CADM1: variants seen among roughly 807,000 people sequenced by gnomAD.
CADM1 encodes cell adhesion molecule 1.
In CADM1, 15 loss-of-function variants were observed where a neutral mutation model predicts 53.1. That is an observed-to-expected ratio of 0.28 (90% confidence interval 0.19 to 0.44). The LOEUF is 0.44. Ranked by LOEUF, CADM1 falls within the 20% of genes least tolerant of loss-of-function variation. The pLI is 1.00. For missense variants in CADM1, 434 were observed against 611.3 expected (o/e 0.71, Z 3.06); for synonymous variants, 281 against 243.0 (o/e 1.16, Z -1.45).
chr11:115,231,857 A>G lies in CADM1; in HGVS notation c.425-367T>C, dbSNP rs531595028. On this transcript the variant is annotated intron_variant, in intron 3 of 11. Transcript: ENST00000331581. ...CAAAATTATCCGGGCACGGCGGCAC[A>G]TGCCTGTAATCCCAGCTACTTGGGA... 2.2e-4 allele frequency among the ~76,000 whole-genome samples: 33 copies of G among 152,214 alleles called. 1 individual carries two copies. Among genetic ancestry groups the G allele is most frequent in the African/African-American group, 7.5e-4 (31 of 41,552 alleles).
intron 1 of CADM1, among the ~76,000 whole-genome samples, chr11:115,311,089 C>T (rs1339924053): frequency 6.6e-6 from 1 of 152,138 alleles, no homozygotes; most frequent in Admixed American, 6.5e-5. Flanking sequence ...CTTATTATCT[C>T]CTGTTTTCCA....
At chr11:115,216,162 T>C (rs1941173739) in intron 6 of CADM1, among the ~76,000 whole-genome samples, 1 of 152,190 alleles carries the variant, frequency 6.6e-6, no homozygotes, top group Non-Finnish European at 1.5e-5. Context: ...AAATTACCAT[T>C]TTTATTGTAT....
chr11:115,431,679 C>T (rs1440198781), intron 1 of CADM1, among the ~76,000 whole-genome samples: 1 of 151,984 alleles, frequency 6.6e-6, no homozygotes, highest in African/African-American at 2.4e-5. Context: ...CTTTCAATTC[C>T]TTTAAGGCAC....
intron 1 of CADM1, among the ~76,000 whole-genome samples, chr11:115,456,277 C>G (rs909003894): frequency 1.3e-5 from 2 of 151,784 alleles, no homozygotes; most frequent in Non-Finnish European, 2.9e-5. Context: ...TGTGACTTAA[C>G]CATTCTGTAA....
intron 1 of CADM1, among the ~76,000 whole-genome samples, chr11:115,330,336 A>C (rs1945098999): frequency 6.6e-6 from 1 of 152,186 alleles, no homozygotes; most frequent in Non-Finnish European, 1.5e-5. Flanking sequence ...CACAGCTTTT[A>C]TAACTGTCTC....
chr11:115,176,358 C>T lies in CADM1; in HGVS notation c.*116G>A. 6.3e-7 allele frequency: 1 copy of T among 1,586,028 alleles called. No individual in the cohort carries two copies. Among genetic ancestry groups the T allele is most frequent in the Admixed American group, 1.7e-5 (1 of 59,120 alleles). On this transcript the variant is annotated 3_prime_UTR_variant, in exon 12 of 12. Transcript: ENST00000331581. Reference sequence around the variant, plus strand: ...CAAATCCCAAGCCTTCCCAGTCTCACACCTTTCCACCCATTCATAAAAAAA... The same window carrying T: ...CAAATCCCAAGCCTTCCCAGTCTCATACCTTTCCACCCATTCATAAAAAAA...
intron 1 of CADM1, among the ~76,000 whole-genome samples, chr11:115,385,270 G>A (rs1946672322): frequency 6.6e-6 from 1 of 151,484 alleles, no homozygotes; most frequent in Non-Finnish European, 1.5e-5. Context: ...GGGAAAAAAG[G>A]CTTAACAAGA....
intron 1 of CADM1, among the ~76,000 whole-genome samples, chr11:115,432,797 C>T (rs755690016): frequency 2.0e-5 from 3 of 152,088 alleles, no homozygotes; most frequent in Non-Finnish European, 4.4e-5. Context: ...GCATGACAAA[C>T]GAAAATCTGT....
intron 1 of CADM1, among the ~76,000 whole-genome samples, chr11:115,286,705 G>T (rs7927573): frequency 0.34 from 51,948 of 151,538 alleles, 10,812 homozygotes; most frequent in East Asian, 0.65. Context: ...TTCTGCATAG[G>T]GCCTGTCTTT....
intron 1 of CADM1, among the ~76,000 whole-genome samples, chr11:115,364,670 TGTCA>T (rs1031128796): frequency 6.6e-6 from 1 of 152,216 alleles, no homozygotes; most frequent in African/African-American, 2.4e-5. Context: ...ATCCTGTCAC[TGTCA>T]GTCAGTAGTA....
chr11:115,192,038 T>G (rs1338379322), intron 9 of CADM1, among the ~76,000 whole-genome samples: 1 of 152,240 alleles, frequency 6.6e-6, no homozygotes, highest in African/African-American at 2.4e-5. Flanking sequence ...ATTAATAATT[T>G]GGGAATAATG....
intron 1 of CADM1, among the ~76,000 whole-genome samples, chr11:115,491,029 G>A (rs568322138): frequency 6.7e-4 from 102 of 152,246 alleles, no homozygotes; most frequent in African/African-American, 2.4e-3. Flanking sequence ...AACATAGTCT[G>A]AGGTTTAAAT....
intron 1 of CADM1, among the ~76,000 whole-genome samples, chr11:115,334,255 G>A (rs368359785): frequency 9.9e-5 from 15 of 152,196 alleles, no homozygotes; most frequent in African/African-American, 3.1e-4. Context: ...CCAGAGTGTG[G>A]ACCTAAACTC....
In CADM1 at chr11:115,173,748, T is replaced by C. The variant is rs1212945618; in HGVS notation, c.*2726A>G. On this transcript the variant is annotated 3_prime_UTR_variant, in exon 12 of 12. Coordinates refer to ENST00000331581, the MANE Select transcript of CADM1 (RefSeq NM_001301043.2). ...AATACAAAATGCGAATGGGAACATA[T>C]GGATATGGAGTTTCTTACACTGTAA... The C allele has an allele frequency of 3.1e-6, 3 of 966,072 alleles. No homozygotes were observed. The highest frequency in any genetic ancestry group is 1.8e-5 in the African/African-American group (1 of 56,560). 59.8% of individuals were successfully genotyped at this position (966,072 alleles called of 1,614,324 possible).
chr11:115,427,487 TCTATCTAGAAGTAGAGATGATAGATAG>T (rs1454305883), intron 1 of CADM1, among the ~76,000 whole-genome samples: 1 of 152,104 alleles, frequency 6.6e-6, no homozygotes, highest in Non-Finnish European at 1.5e-5. Context: ...CGTTTATGCC[TCTATCTAGAAGTAGAGATGATAGATAG>T]ATGGATAGAT....
rs570126910 is a variant in CADM1, at chr11:115,261,833, G to A, written c.125-21413C>T. Among the ~76,000 whole-genome samples, 3 of 150,526 alleles carry A rather than the reference G, an allele frequency of 2.0e-5. No homozygotes were observed. In the East Asian group the frequency reaches 5.9e-4, roughly 29 times the overall value. On this transcript the variant is annotated intron_variant, in intron 1 of 11. Transcript: ENST00000331581. ...CTCACTCTGTTGCCCAGGCTGGAGT[G>A]CAGTGGTTCAATCTCGGCTCACTGC... is the stretch of plus-strand genomic sequence containing the variant.
intron 1 of CADM1, among the ~76,000 whole-genome samples, chr11:115,295,916 A>G (rs963404943): frequency 1.3e-5 from 2 of 152,128 alleles, no homozygotes; most frequent in Admixed American, 6.5e-5. Flanking sequence ...GCTTAACTTA[A>G]GGGCTCCGCC....
chr11:115,223,658 T>A (rs1279291891), intron 5 of CADM1, among the ~76,000 whole-genome samples: 1 of 152,086 alleles, frequency 6.6e-6, no homozygotes, highest in African/African-American at 2.4e-5. Context: ...CACGATGTAT[T>A]TGCCCAACAC....
At chr11:115,281,398 G>T (rs569520731) in intron 1 of CADM1, among the ~76,000 whole-genome samples, 3 of 152,206 alleles carry the variant, frequency 2.0e-5, no homozygotes, top group Non-Finnish European at 4.4e-5. Context: ...AGAACACTAA[G>T]ATAAATGCTA....
Sources: gnomAD v4.1 joint callset for allele counts (sites outside exome capture counted in the v4.1 genomes callset) on GRCh38, gnomAD v4.1.1 for gene constraint, MANE v1.5 for transcripts, NCBI Gene and HGNC (gene_info 2026-07-23, HGNC 2026-07-21) for gene names.